EPX: variants seen among roughly 807,000 people sequenced by gnomAD.
EPX encodes the protein eosinophil peroxidase.
Under a neutral mutation model 73.0 loss-of-function variants are expected in EPX, and 60 were observed. The ratio of observed to expected loss-of-function variants is 0.82; its 90% CI spans 0.67 to 1.02. EPX has a LOEUF of 1.02. EPX is among the 50% of genes least tolerant of loss of function. The probability of loss-of-function intolerance (pLI) is 0.00; values close to 1 mark genes in which losing one functional copy is unlikely to be tolerated. For synonymous variants in EPX, 347 were observed against 389.2 expected (o/e 0.89, Z 1.28); for missense variants, 950 against 973.9 (o/e 0.98, Z 0.33).
chr17:58,196,463 C>T (rs141809705), intron 6 of EPX, among the ~76,000 whole-genome samples: 5 of 152,296 alleles, frequency 3.3e-5, no homozygotes, highest in Admixed American at 6.5e-5. Flanking sequence ...AGTTTCTTAA[C>T]TCTATGTGTG....
chr17:58,199,474 C>A, intron 8 of EPX, 65 bp from the exon 9 acceptor site: 1 of 1,579,110 alleles, frequency 6.3e-7, no homozygotes, highest in Non-Finnish European at 8.7e-7. Flanking sequence ...CTGAGCCACC[C>A]TTTGAAAAGG....
chr17:58,198,990 G>A (rs1368413079), intron 7 of EPX, 50 bp from the exon 8 acceptor site: 2 of 1,602,660 alleles, frequency 1.2e-6, no homozygotes, highest in Admixed American at 3.3e-5. Context: ...CTGGTAGAAA[G>A]ACATTTCTCT....
chr17:58,196,201 G>A (rs1968254878), intron 6 of EPX, among the ~76,000 whole-genome samples: 1 of 152,016 alleles, frequency 6.6e-6, no homozygotes, highest in Non-Finnish European at 1.5e-5. Context: ...TCTGCCTCCT[G>A]GGTTCAAGCA....
intron 7 of EPX, among the ~76,000 whole-genome samples, chr17:58,198,237 G>A (rs1363385753): frequency 6.6e-6 from 1 of 152,170 alleles, no homozygotes; most frequent in Non-Finnish European, 1.5e-5. Context: ...GAGACTCAGG[G>A]AAAGTGAATC....
At chr17:58,203,728 C>T (rs992295624) in intron 11 of EPX, among the ~76,000 whole-genome samples, 5 of 151,536 alleles carry the variant, frequency 3.3e-5, no homozygotes, top group African/African-American at 9.7e-5. Context: ...GTCAGGAGAT[C>T]GAGACCATCC....
chr17:58,196,743 C>T (rs940121248), intron 6 of EPX, among the ~76,000 whole-genome samples, 196 bp from the exon 7 acceptor site: 1 of 152,138 alleles, frequency 6.6e-6, no homozygotes, highest in Non-Finnish European at 1.5e-5. Context: ...TCATTCCTAA[C>T]CTTTTGAGAC....
In EPX at chr17:58,200,373, A is replaced by C. The variant is rs1968323755; in HGVS notation, c.1686A>C (p.Arg562=). 25 of 1,614,184 alleles carry C rather than the reference A, an allele frequency of 1.5e-5. No homozygotes were observed. Among genetic ancestry groups the C allele is most frequent in the Non-Finnish European group, 2.1e-5 (25 of 1,180,040 alleles). The change falls in exon 10 of 13, where the codon CGA becomes CGC. Residue 562 remains arginine, a synonymous_variant. Transcript: ENST00000225371. ...ACCTGGCAGCTCTCAACATGCAACGAAGCCGGGACCACGGCCTTCCAGGTG... is the reference window on the plus strand; with the variant it reads ...ACCTGGCAGCTCTCAACATGCAACGCAGCCGGGACCACGGCCTTCCAGGTG... ...GLDLAALNMQ[R]SRDHGLPGYN...
Position 58,203,290 on chromosome 17 carries a change from C to T in EPX, c.1918C>T (p.Gln640Ter), listed in dbSNP as rs1968367827. 6.2e-7 allele frequency: 1 copy of T among 1,614,052 alleles called. No homozygotes were observed. The highest frequency in any genetic ancestry group is 2.2e-5 in the East Asian group (1 of 44,882). The change falls in exon 11 of 13, where the codon CAG becomes TAG. Residue 640 changes from glutamine (Q) to a stop codon, truncating the protein, a stop_gained. Transcript: ENST00000225371. LOFTEE classifies it high-confidence loss of function. ...GPLLACLFEN[Q>*]FRRARDGDRF... ...TCTTCTGGCTTGTCTGTTCGAGAACCAGTTCAGAAGAGCCCGAGACGGAGA... is the reference window on the plus strand; with the variant it reads ...TCTTCTGGCTTGTCTGTTCGAGAACTAGTTCAGAAGAGCCCGAGACGGAGA...
intron 3 of EPX, 73 bp from the exon 4 acceptor site, chr17:58,193,641 G>A (rs759512895): frequency 1.0e-5 from 16 of 1,554,040 alleles, no homozygotes; most frequent in Non-Finnish European, 1.4e-5. Flanking sequence ...TTGGGGTGCT[G>A]GGAGGAGAGA....
intron 7 of EPX, among the ~76,000 whole-genome samples, chr17:58,198,160 T>C (rs746849543): frequency 6.6e-6 from 1 of 152,208 alleles, no homozygotes; most frequent in Non-Finnish European, 1.5e-5. Context: ...AAATGTGCCA[T>C]CTCTAAACCT....
Position 58,197,142 on chromosome 17 carries a change from G to A in EPX, c.1005G>A (p.Leu335=), listed in dbSNP as rs1968269555. 6.2e-7 allele frequency: 1 copy of A among 1,614,092 alleles called. No individual in the cohort carries two copies. Among genetic ancestry groups the A allele is most frequent in the African/African-American group, 1.3e-5 (1 of 74,942 alleles). ...LRNRTNYLGL[L]AINQRFQDNG... ...ACCGGACCAACTACCTGGGGCTGCT[G>A]GCCATCAACCAGCGCTTTCAAGACA... The change falls in exon 7 of 13, where the codon CTG becomes CTA. Residue 335 remains leucine (L), a synonymous_variant. Transcript: ENST00000225371.
chr17:58,204,406 G>C lies in EPX; in HGVS notation c.2131G>C (p.Ala711Pro), dbSNP rs987049135. ...CSRIPRLNLS[A>P]WRGT ...CCGTATCCCCAGGTTGAACCTATCA[G>C]CCTGGCGAGGGACATGAGGCTTCTG... The change falls in exon 12 of 13, where the codon GCC becomes CCC. Residue 711 changes from alanine to proline, a missense_variant. By Grantham distance (27) the Ala-to-Pro change is conservative. Coordinates refer to ENST00000225371, the MANE Select transcript of EPX (RefSeq NM_000502.6). 2.5e-6 allele frequency: 4 copies of C among 1,613,736 alleles called. No individual in the cohort carries two copies. The African/African-American group carries it at 5.3e-5, about 22-fold the overall frequency.
At chr17:58,197,976 C>T (rs1272648893) in intron 7 of EPX, among the ~76,000 whole-genome samples, 2 of 152,136 alleles carry the variant, frequency 1.3e-5, no homozygotes, top group African/African-American at 2.4e-5. Context: ...GCTGGAATTA[C>T]AGGTGCCTGC....
chr17:58,195,073 TG>T lies in EPX; in HGVS notation c.706del (p.Asp236ThrfsTer167), dbSNP rs1320795182. The T allele has an allele frequency of 6.2e-7, 1 of 1,614,048 alleles. No individual in the cohort carries two copies. The highest frequency in any genetic ancestry group is 8.5e-7 in the Non-Finnish European group (1 of 1,179,868). On this transcript the variant is annotated frameshift_variant, in exon 6 of 13. Transcript: ENST00000225371. LOFTEE classifies it high-confidence loss of function. Reference protein sequence around the residue: ...MQWGQFIDHDLDFSPESPARV... With the variant: ...MQWGQFIDHDXDFSPESPARV... Reference sequence around the variant, plus strand: ...TGGGGCCAGTTCATTGACCATGACCTGGACTTCTCCCCGGAGTCCCCGGCCA... The same window carrying T: ...TGGGGCCAGTTCATTGACCATGACCTGACTTCTCCCCGGAGTCCCCGGCCA...
chr17:58,203,970 A>G (rs12952084), intron 11 of EPX, among the ~76,000 whole-genome samples: 58 of 122,564 alleles, frequency 4.7e-4, no homozygotes, highest in Non-Finnish European at 8.7e-4. Flanking sequence ...AAAAAAAAAA[A>G]GACCTGTCTC....
At chr17:58,194,167 G>T in intron 5 of EPX, 75 bp downstream of exon 5, 5 of 1,493,320 alleles carry the variant, frequency 3.3e-6, no homozygotes, top group Non-Finnish European at 4.6e-6. Flanking sequence ...CCAGAGTCAC[G>T]CAGGCAGGGC....
intron 7 of EPX, 71 bp downstream of exon 7, chr17:58,197,328 G>A (rs1256005730): frequency 1.1e-5 from 17 of 1,562,640 alleles, no homozygotes; most frequent in Non-Finnish European, 1.4e-5. Flanking sequence ...GGAAGCAATG[G>A]TGGGATGTGG....
Position 58,199,573 on chromosome 17 carries a change from T to C in EPX, c.1316T>C (p.Leu439Pro), listed in dbSNP as rs778045351. Reference protein sequence around the residue: ...ITYRDFLPLVLGKARARRTLG... With the variant: ...ITYRDFLPLVPGKARARRTLG... The stretch of plus-strand genomic sequence containing the variant: ...TACCGAGACTTTCTGCCCCTGGTTC[T>C]GGGCAAGGCCCGGGCCAGGAGAACC... The change falls in exon 9 of 13, where the codon CTG becomes CCG. Residue 439 changes from leucine to proline, a missense_variant. Coordinates refer to ENST00000225371, the MANE Select transcript of EPX (RefSeq NM_000502.6). 3.1e-6 allele frequency: 5 copies of C among 1,614,144 alleles called. No individual in the cohort carries two copies. The Admixed American group carries it at 8.3e-5, about 27-fold the overall frequency.
chr17:58,195,568 TAA>T (rs1341023423), intron 6 of EPX, among the ~76,000 whole-genome samples: 3 of 152,088 alleles, frequency 2.0e-5, no homozygotes, highest in African/African-American at 7.2e-5. Context: ...GCTTGGGCTG[TAA>T]GTAGGGTCCT....
Sources: allele counts gnomAD v4.1 joint callset (sites outside exome capture counted in the v4.1 genomes callset), GRCh38; gene constraint gnomAD v4.1.1; transcripts MANE v1.5; gene names NCBI Gene and HGNC (gene_info 2026-07-23, HGNC 2026-07-21).